Variants in MGAM observed in about 807,000 individuals in gnomAD.
MGAM encodes alpha-1,4-glucosidase.
Under a neutral mutation model 358.8 loss-of-function variants are expected in MGAM, and 253 were observed. That is an observed-to-expected ratio of 0.71 (90% CI 0.64 to 0.78). The LOEUF (loss-of-function observed/expected upper bound fraction) is 0.78. Among genes scored for constraint, MGAM ranks in the 30% least tolerant of loss-of-function variants. MGAM has a pLI of 0.00. For missense variants in MGAM, 3,080 were observed against 3,432.6 expected, an observed-to-expected ratio of 0.90 and a Z score of 2.57; for synonymous variants, 1,105 against 1,227.1, an observed-to-expected ratio of 0.90 and a Z score of 2.08.
chr7:142,022,017 G>GT (rs1806509791), intron 6 of MGAM, among the ~76,000 whole-genome samples: 1 of 151,510 alleles, frequency 6.6e-6, no homozygotes, highest in South Asian at 2.1e-4. Context: ...ATCTCCTATC[G>GT]TAAGTATAGT....
chr7:141,987,326 G>T (rs1554446413), intron 2 of MGAM, among the ~76,000 whole-genome samples: 1 of 152,152 alleles, frequency 6.6e-6, no homozygotes. Context: ...CTCTACATGT[G>T]TATCCCATTC....
intron 21 of MGAM, among the ~76,000 whole-genome samples, chr7:142,043,388 ATT>A (rs1809330076): frequency 8.8e-5 from 1 of 11,324 alleles, no homozygotes; most frequent in African/African-American, 1.8e-4. Flanking sequence ...TAATATCTAT[ATT>A]ATATATACAT....
intron 26 of MGAM, among the ~76,000 whole-genome samples, chr7:142,053,403 T>C (rs1811203159): frequency 6.6e-6 from 1 of 152,034 alleles, no homozygotes; most frequent in African/African-American, 2.4e-5. Context: ...GATGACCGTG[T>C]TGGTATCTTG....
chr7:142,002,432 A>G lies in MGAM; in HGVS notation c.-2-3097A>G, dbSNP rs575804906. Among the ~76,000 whole-genome samples, 6 of 152,306 alleles carry G rather than the reference A, an allele frequency of 3.9e-5. No homozygotes were observed. In the South Asian group the frequency reaches 1.2e-3, roughly 32 times the overall value. Reference sequence around the variant, plus strand: ...GATGATTCAACATGCACAATTCCATAAATGTGATTCATCACACAAACAGAA... The same window carrying G: ...GATGATTCAACATGCACAATTCCATGAATGTGATTCATCACACAAACAGAA... On this transcript the variant is annotated intron_variant, in intron 1 of 70. Transcript: ENST00000475668.
chr7:142,067,986 A>ATATTT (rs1236775159), intron 42 of MGAM, among the ~76,000 whole-genome samples: 1 of 8,694 alleles, frequency 1.2e-4, no homozygotes, highest in Admixed American at 2.8e-3. Flanking sequence ...ATATATATAT[A>ATATTT]TTTTTTTTTT....
At chr7:142,100,680 T>A (rs774922123) in intron 67 of MGAM, 122 bp from the exon 68 acceptor site, 2 of 798,554 alleles carry the variant, frequency 2.5e-6, no homozygotes, top group Non-Finnish European at 4.3e-6. Context: ...TCTCTTGAAT[T>A]CTAGTATGCA....
chr7:142,093,392 C>T lies in MGAM; in HGVS notation c.7034-20C>T, dbSNP rs747210465. On this transcript the variant is annotated intron_variant, in intron 59 of 70. Coordinates refer to ENST00000475668, the MANE Select transcript of MGAM (RefSeq NM_001365693.1). ...ACAGAATCAGGGCTGGATTTCACCT[C>T]ACCAGTTCTTCCTCCTCAGATTTGG... The T allele has an allele frequency of 2.4e-5, 36 of 1,527,388 alleles. 9 individuals are homozygous for T. The highest frequency in any genetic ancestry group is 3.0e-5 in the Non-Finnish European group (34 of 1,117,862). The allele number at this position is 1,527,388 out of a possible 1,614,324, so 94.6% of individuals were successfully genotyped here.
chr7:142,018,689 C>T (rs1193946891), intron 3 of MGAM, among the ~76,000 whole-genome samples: 1 of 152,114 alleles, frequency 6.6e-6, no homozygotes, highest in African/African-American at 2.4e-5. Context: ...TACTTTCTGC[C>T]TCTGGAGGAG....
Position 142,050,872 on chromosome 7 carries a change from C to T in MGAM, c.2805+8C>T, listed in dbSNP as rs1203806875. 1.9e-6 allele frequency: 3 copies of T among 1,613,522 alleles called. No homozygotes were observed. Among genetic ancestry groups the T allele is most frequent in the Admixed American group, 1.7e-5 (1 of 59,994 alleles). The stretch of plus-strand genomic sequence containing the variant: ...TATGATTCTAACCTGAAGGTAAAAA[C>T]CCATTTTGTTGAGATGGTACATTGA... On this transcript the variant is annotated splice_region_variant and intron_variant, in intron 24 of 70. Transcript: ENST00000475668.
chr7:142,060,769 A>G (rs1050923467), intron 34 of MGAM, among the ~76,000 whole-genome samples: 1 of 152,150 alleles, frequency 6.6e-6, no homozygotes, highest in Non-Finnish European at 1.5e-5. Context: ...TATCCCTTTT[A>G]AACAGTCTTC....
intron 66 of MGAM, among the ~76,000 whole-genome samples, chr7:142,098,237 C>T (rs1380296373): frequency 2.0e-5 from 3 of 152,068 alleles, no homozygotes; most frequent in African/African-American, 7.2e-5. Flanking sequence ...GAGCTCCTTG[C>T]CGCATAGTTT....
chr7:142,047,443 T>C (rs944733028), intron 21 of MGAM, among the ~76,000 whole-genome samples: 1 of 152,186 alleles, frequency 6.6e-6, no homozygotes, highest in Non-Finnish European at 1.5e-5. Flanking sequence ...GTGATATAAC[T>C]GAACCAGTTA....
chr7:142,058,928 T>C (rs1811823852), intron 31 of MGAM, among the ~76,000 whole-genome samples: 1 of 152,226 alleles, frequency 6.6e-6, no homozygotes, highest in African/African-American at 2.4e-5. Context: ...TTGTTTACAG[T>C]TGTTCCATTA....
chr7:142,011,321 C>T (rs1480188712), intron 3 of MGAM, among the ~76,000 whole-genome samples: 1 of 152,126 alleles, frequency 6.6e-6, no homozygotes, highest in African/African-American at 2.4e-5. Flanking sequence ...TGTTGGGGAT[C>T]ATGTTTTATG....
rs368311570 is a variant in MGAM at position 142,019,297 on chromosome 7, C to A, written c.426C>A (p.Gly142=). ...AGAATCATAGCTACCATGTAGAGGG[C>A]AACCTTGTCAACACAAATGCAGGTA... ...YSKNHSYHVE[G]NLVNTNAGFT... The change falls in exon 4 of 71, where the codon GGC becomes GGA. Residue 142 remains glycine, a synonymous_variant. Transcript: ENST00000475668. 28 of 1,613,098 alleles carry A rather than the reference C, an allele frequency of 1.7e-5. No individual in the cohort carries two copies. The African/African-American group carries it at 1.9e-4, about 11-fold the overall frequency.
Position 142,008,488 on chromosome 7 carries a change from T to G in MGAM, c.128-18T>G. On this transcript the variant is annotated intron_variant, in intron 2 of 70. Coordinates refer to ENST00000475668, the MANE Select transcript of MGAM (RefSeq NM_001365693.1). Reference sequence around the variant, plus strand: ...TTAAATTTGTCTAATGGTCTTTTTATGTTTGCTTTTGGTATAGCCCCAGAT... The same window carrying G: ...TTAAATTTGTCTAATGGTCTTTTTAGGTTTGCTTTTGGTATAGCCCCAGAT... The G allele has an allele frequency of 2.5e-6, 4 of 1,590,420 alleles. No homozygotes were observed. Among genetic ancestry groups the G allele is most frequent in the Non-Finnish European group, 3.4e-6 (4 of 1,168,522 alleles).
intron 59 of MGAM, 80 bp from the exon 60 acceptor site, chr7:142,093,332 C>T: frequency 6.9e-7 from 1 of 1,447,458 alleles, no homozygotes; most frequent in South Asian, 1.2e-5. Context: ...TCTTAAGATC[C>T]AGGGCCCAGT....
intron 1 of MGAM, among the ~76,000 whole-genome samples, chr7:141,998,258 C>A (rs1252589792): frequency 6.6e-6 from 1 of 151,962 alleles, no homozygotes. Context: ...TTAAATTTTA[C>A]TTTAAGTTCT....
At chr7:142,032,746 A>G in intron 13 of MGAM, 79 bp from the exon 14 acceptor site, 1 of 801,552 alleles carries the variant, frequency 1.2e-6, no homozygotes, top group South Asian at 1.7e-5. Context: ...TTATCTGATT[A>G]ATTAAAAAAA....
Sources: gnomAD v4.1 joint callset for allele counts (sites outside exome capture counted in the v4.1 genomes callset) on GRCh38, gnomAD v4.1.1 for gene constraint, MANE v1.5 for transcripts, NCBI Gene and HGNC (gene_info 2026-07-23, HGNC 2026-07-21) for gene names.